The following CTNNA3 variants were observed in gnomAD, a reference collection of about 807,000 sequenced individuals.
The protein encoded by CTNNA3 is catenin alpha-3.
CTNNA3 carries 76 observed loss-of-function variants against 95.7 expected under a neutral mutation model. That is an observed-to-expected ratio of 0.79 (90% CI 0.66 to 0.96). The LOEUF is 0.96. Among genes scored for constraint, CTNNA3 ranks in the 40% least tolerant of loss-of-function variants. CTNNA3 has a pLI of 0.00. For missense variants in CTNNA3, 1,191 were observed against 1,089.8 expected (o/e 1.09, Z -1.31); for synonymous variants, 431 against 374.4 (o/e 1.15, Z -1.74).
chr10:67,179,520 C>T (rs1205939684), intron 7 of CTNNA3, among the ~76,000 whole-genome samples: 2 of 141,490 alleles, frequency 1.4e-5, no homozygotes, highest in African/African-American at 5.4e-5. Flanking sequence ...AAAAACTAGA[C>T]ACTGTCACAT....
intron 13 of CTNNA3, among the ~76,000 whole-genome samples, chr10:66,223,265 G>C (rs2089069821): frequency 6.6e-6 from 1 of 151,938 alleles, no homozygotes; most frequent in Non-Finnish European, 1.5e-5. Context: ...GCAGGAGAAA[G>C]GAAGTTTAGC....
chr10:66,355,577 A>C lies in CTNNA3; in HGVS notation c.1732+23575T>G, dbSNP rs139994890. On this transcript the variant is annotated intron_variant, in intron 12 of 17. Coordinates refer to ENST00000433211, the MANE Select transcript of CTNNA3 (RefSeq NM_013266.4). The stretch of plus-strand genomic sequence containing the variant: ...TTTGCTATGGAATAGGAAACTCTTT[A>C]TTTTTGAATTTTTACACTGTTTCAT... Among the ~76,000 whole-genome samples, 166 of 152,028 alleles carry C rather than the reference A, an allele frequency of 1.1e-3. 1 individual carries two copies. Among genetic ancestry groups the C allele is most frequent in the South Asian group, 1.5e-3 (7 of 4,818 alleles).
chr10:67,692,101 C>A (rs1246084717), intron 1 of CTNNA3, among the ~76,000 whole-genome samples: 1 of 147,498 alleles, frequency 6.8e-6, no homozygotes, highest in Admixed American at 6.7e-5. Flanking sequence ...CCAGCTGCCC[C>A]CTCCGGGAGG....
intron 7 of CTNNA3, among the ~76,000 whole-genome samples, chr10:67,133,328 T>TATATATATATATAC (rs145659453): frequency 4.7e-5 from 5 of 105,350 alleles, no homozygotes; most frequent in African/African-American, 1.4e-4. Context: ...TATATATTTA[T>TATATATATATATAC]ACACACACAC....
At chr10:67,525,657 C>G (rs1708136017) in intron 4 of CTNNA3, among the ~76,000 whole-genome samples, 1 of 151,980 alleles carries the variant, frequency 6.6e-6, no homozygotes, top group South Asian at 2.1e-4. Context: ...GCTGAAACAG[C>G]AGGAAAAAAA....
chr10:66,153,336 TGAA>T (rs1244487906), intron 13 of CTNNA3, among the ~76,000 whole-genome samples: 1 of 152,024 alleles, frequency 6.6e-6, no homozygotes, highest in Non-Finnish European at 1.5e-5. Flanking sequence ...TCTTTGAATG[TGAA>T]GCCAGTCTGT....
At chr10:66,128,016 G>A (rs981483210) in intron 13 of CTNNA3, among the ~76,000 whole-genome samples, 5 of 152,042 alleles carry the variant, frequency 3.3e-5, no homozygotes, top group African/African-American at 9.7e-5. Flanking sequence ...AGGTTGCAGT[G>A]AGCTGAGATC....
At chr10:67,510,747 T>G (rs1482590871) in intron 5 of CTNNA3, among the ~76,000 whole-genome samples, 1 of 152,188 alleles carries the variant, frequency 6.6e-6, no homozygotes, top group Non-Finnish European at 1.5e-5. Context: ...ATTGGTAGCT[T>G]GATGGGGATG....
chr10:67,130,557 G>A (rs1180548768), intron 7 of CTNNA3, among the ~76,000 whole-genome samples: 3 of 152,118 alleles, frequency 2.0e-5, no homozygotes, highest in Non-Finnish European at 4.4e-5. Flanking sequence ...ATGGACCTGT[G>A]ACAGATAAGA....
chr10:66,687,464 G>A (rs1390659396), intron 9 of CTNNA3, among the ~76,000 whole-genome samples: 2 of 151,966 alleles, frequency 1.3e-5, no homozygotes, highest in East Asian at 3.9e-4. Context: ...TAGAATATAA[G>A]CTCCATAACT....
At chr10:67,704,232 C>T (rs902967380) in intron 1 of CTNNA3, among the ~76,000 whole-genome samples, 6 of 152,322 alleles carry the variant, frequency 3.9e-5, no homozygotes, top group Admixed American at 3.9e-4. Flanking sequence ...ATGCCATCCC[C>T]ATCAAGCTAC....
At chr10:66,965,177 G>C (rs755893915) in intron 7 of CTNNA3, among the ~76,000 whole-genome samples, 7 of 152,156 alleles carry the variant, frequency 4.6e-5, no homozygotes, top group African/African-American at 7.2e-5. Context: ...ACAATGCCCT[G>C]GATTTAGGTA....
chr10:66,164,915 A>G (rs374674964), intron 13 of CTNNA3, among the ~76,000 whole-genome samples: 5 of 152,162 alleles, frequency 3.3e-5, no homozygotes, highest in Non-Finnish European at 5.9e-5. Flanking sequence ...TGTAGGTCAC[A>G]TTATATTTGG....
chr10:67,381,521 A>G (rs1843946250), intron 5 of CTNNA3, among the ~76,000 whole-genome samples: 1 of 152,168 alleles, frequency 6.6e-6, no homozygotes, highest in South Asian at 2.1e-4. Flanking sequence ...ATTATTTCCA[A>G]TAAAAATTTA....
intron 15 of CTNNA3, among the ~76,000 whole-genome samples, chr10:65,995,384 A>C (rs1007984221): frequency 2.6e-5 from 4 of 152,184 alleles, no homozygotes; most frequent in African/African-American, 9.7e-5. Flanking sequence ...GCATGCAGTA[A>C]TGTAGCCTCC....
At chr10:66,124,017 C>T (rs1222242366) in intron 13 of CTNNA3, among the ~76,000 whole-genome samples, 1 of 152,046 alleles carries the variant, frequency 6.6e-6, no homozygotes, top group Non-Finnish European at 1.5e-5. Context: ...ACATTTGGCT[C>T]CTCATTACTT....
At chr10:67,070,770 A>G (rs905425650) in intron 7 of CTNNA3, among the ~76,000 whole-genome samples, 2 of 152,072 alleles carry the variant, frequency 1.3e-5, no homozygotes, top group African/African-American at 4.8e-5. Context: ...GAAAAGAAAA[A>G]AAAGAAATCC....
intron 13 of CTNNA3, among the ~76,000 whole-genome samples, chr10:66,171,105 C>G (rs1258584551): frequency 6.6e-6 from 1 of 151,978 alleles, no homozygotes; most frequent in Admixed American, 6.6e-5. Flanking sequence ...TGCACTCCAA[C>G]CTGGGCGACA....
In CTNNA3 at chr10:67,115,652, C is replaced by T. The variant is rs16924058; in HGVS notation, c.1047+64665G>A. Among the ~76,000 whole-genome samples the T allele has an allele frequency of 4.7e-3, 717 of 151,380 alleles. 6 individuals carry two copies. Among genetic ancestry groups the T allele is most frequent in the African/African-American group, 0.015 (606 of 41,318 alleles). On this transcript the variant is annotated intron_variant, in intron 7 of 17. Coordinates refer to ENST00000433211, the MANE Select transcript of CTNNA3 (RefSeq NM_013266.4). The stretch of plus-strand genomic sequence containing the variant: ...CTACTAGAGGAATGGATGTTACAAA[C>T]CAATACAATGAAATTAAAAATAAAA...
Sources: gnomAD v4.1 joint callset for allele counts (sites outside exome capture counted in the v4.1 genomes callset) on GRCh38, gnomAD v4.1.1 for gene constraint, MANE v1.5 for transcripts, NCBI Gene and HGNC (gene_info 2026-07-23, HGNC 2026-07-21) for gene names.